Variants in SLC2A9 observed in about 807,000 individuals in gnomAD.
SLC2A9 encodes solute carrier family 2, facilitated glucose transporter member 9.
In SLC2A9, 39 loss-of-function variants were observed where a neutral mutation model predicts 50.6. That is an observed-to-expected ratio of 0.77 (90% CI 0.60 to 1.01). The LOEUF is 1.01. Among genes scored for constraint, SLC2A9 ranks in the 50% least tolerant of loss-of-function variants. The pLI is 0.00. For missense variants in SLC2A9, 686 were observed against 677.6 expected, an observed-to-expected ratio of 1.01 and a Z score of -0.14; for synonymous variants, 324 against 276.9, an observed-to-expected ratio of 1.17 and a Z score of -1.69.
At chr4:9,866,619 G>A (rs1248646161) in intron 10 of SLC2A9, among the ~76,000 whole-genome samples, 2 of 152,130 alleles carry the variant, frequency 1.3e-5, no homozygotes, top group African/African-American at 4.8e-5. Flanking sequence ...TGAGACCTGG[G>A]ATCCCAGGCA....
intron 10 of SLC2A9, among the ~76,000 whole-genome samples, chr4:9,885,179 A>T (rs1448178668): frequency 6.6e-6 from 1 of 152,192 alleles, no homozygotes; most frequent in African/African-American, 2.4e-5. Flanking sequence ...AACTTAAAAT[A>T]AAAAAGCAAC....
chr4:9,901,217 C>T (rs1233634927), intron 8 of SLC2A9, among the ~76,000 whole-genome samples: 1 of 151,918 alleles, frequency 6.6e-6, no homozygotes, highest in African/African-American at 2.4e-5. Context: ...CCTCATTTCT[C>T]CTAAGGTCCT....
intron 10 of SLC2A9, chr4:9,880,176 T>A: frequency 1.0e-6 from 1 of 985,478 alleles, no homozygotes; most frequent in Non-Finnish European, 1.2e-6. Context: ...ATGGTCTAAG[T>A]GGCAGCTTTT....
intron 10 of SLC2A9, among the ~76,000 whole-genome samples, chr4:9,855,404 A>C (rs559063962): frequency 2.0e-5 from 3 of 152,196 alleles, no homozygotes; most frequent in Non-Finnish European, 2.9e-5. Flanking sequence ...GAATAGAGCT[A>C]ACCAGGGAGG....
At chr4:9,789,557 A>C (rs550280218) in intron 3 of SLC2A9, among the ~76,000 whole-genome samples, 1 of 152,358 alleles carries the variant, frequency 6.6e-6, no homozygotes, top group East Asian at 1.9e-4. Context: ...GAAATAGGAC[A>C]AGATGTCAAG....
chr4:9,966,605 G>A (rs1232519003), intron 5 of SLC2A9, among the ~76,000 whole-genome samples: 2 of 112,442 alleles, frequency 1.8e-5, no homozygotes, highest in East Asian at 2.0e-4. Flanking sequence ...GAGAGCCAAG[G>A]TCGAGCCCTG....
chr4:9,779,249 G>A (rs1717988889), downstream of SLC2A9, among the ~76,000 whole-genome samples: 1 of 152,016 alleles, frequency 6.6e-6, no homozygotes, highest in Admixed American at 6.6e-5. Context: ...TCAACCCAAA[G>A]AGAAATTTCC....
At chr4:9,966,588 G>A (rs560069937) in intron 5 of SLC2A9, among the ~76,000 whole-genome samples, 34 of 134,422 alleles carry the variant, frequency 2.5e-4, no homozygotes, top group Non-Finnish European at 3.6e-4. Context: ...CCTGGGAGGC[G>A]GGGGTTGAGA....
chr4:9,992,879 A>G (rs1757956371), intron 3 of SLC2A9, among the ~76,000 whole-genome samples: 1 of 152,232 alleles, frequency 6.6e-6, no homozygotes, highest in African/African-American at 2.4e-5. Context: ...TTCCACCCTC[A>G]TAGCTGCTCC....
At chr4:10,004,220 C>G (rs551196014) in intron 2 of SLC2A9, among the ~76,000 whole-genome samples, 22 of 152,304 alleles carry the variant, frequency 1.4e-4, no homozygotes, top group African/African-American at 5.3e-4. Context: ...TTGTAGCCAT[C>G]CTGAGAAGTT....
chr4:10,019,276 G>A, intron 1 of SLC2A9: 1 of 591,726 alleles, frequency 1.7e-6, no homozygotes, highest in Non-Finnish European at 3.0e-6. Context: ...CAGGCCGGGC[G>A]CCCTCAGGTT....
rs180902355 is a variant in SLC2A9, at chr4:9,860,592, G to A, written c.1292-25584C>T. 7.9e-5 allele frequency among the ~76,000 whole-genome samples: 12 copies of A among 152,330 alleles called. No homozygotes were observed. The East Asian group carries it at 1.4e-3, about 17-fold the overall frequency. ...CTTGGCTTCAAGACTCATTCATTTCGTCCCTTTAGGAGTGACGTTGTCCCT... is the reference window on the plus strand; with the variant it reads ...CTTGGCTTCAAGACTCATTCATTTCATCCCTTTAGGAGTGACGTTGTCCCT... On this transcript the variant is annotated intron_variant, in intron 10 of 11. Transcript: ENST00000264784.
chr4:9,801,520 T>A (rs1267176884), intron 3 of SLC2A9, among the ~76,000 whole-genome samples: 1 of 152,242 alleles, frequency 6.6e-6, no homozygotes, highest in East Asian at 1.9e-4. Context: ...ACTGTAGCTC[T>A]GAAGCATAAG....
chr4:9,914,818 A>G (rs1560295275), intron 7 of SLC2A9, among the ~76,000 whole-genome samples: 1 of 152,206 alleles, frequency 6.6e-6, no homozygotes, highest in Non-Finnish European at 1.5e-5. Flanking sequence ...CAGCCGGTCC[A>G]TGCTCAGTAA....
At chr4:9,855,965 T>C (rs1447028170) in intron 10 of SLC2A9, among the ~76,000 whole-genome samples, 2 of 152,040 alleles carry the variant, frequency 1.3e-5, no homozygotes. Flanking sequence ...ATCAACTCAA[T>C]ATGGATCAAA....
chr4:9,857,543 G>T (rs542565981), intron 10 of SLC2A9, among the ~76,000 whole-genome samples: 18 of 152,332 alleles, frequency 1.2e-4, no homozygotes, highest in African/African-American at 4.3e-4. Flanking sequence ...AGAGGCTTTT[G>T]TTGGCTTTTC....
chr4:9,786,213 C>T (rs113963283), intron 3 of SLC2A9, among the ~76,000 whole-genome samples: 3 of 152,232 alleles, frequency 2.0e-5, no homozygotes, highest in Admixed American at 2.0e-4. Context: ...TTGACTCTCG[C>T]TGCCCTGTGA....
chr4:9,826,491 A>G lies in SLC2A9; in HGVS notation c.1529T>C (p.Ile510Thr), dbSNP rs1725152536. 1 of 1,613,898 alleles carries G rather than the reference A, an allele frequency of 6.2e-7. No homozygotes were observed. The highest frequency in any genetic ancestry group is 8.5e-7 in the Non-Finnish European group (1 of 1,179,966). ...PETKNRTYAE[I>T]SQAFSKRNKA... ...GTTCCTTTTGGAAAATGCCTGGCTGATTTCTGCATAGGTTCTGTTTTTGGT... is the reference window on the plus strand; with the variant it reads ...GTTCCTTTTGGAAAATGCCTGGCTGGTTTCTGCATAGGTTCTGTTTTTGGT... The change falls in exon 12 of 12, where the codon ATC becomes ACC. Residue 510 changes from isoleucine to threonine, a missense_variant. Ile to Thr is a moderately conservative substitution (Grantham distance 89). Transcript: ENST00000264784.
chr4:9,874,818 T>A (rs547124775), intron 10 of SLC2A9, among the ~76,000 whole-genome samples: 13 of 152,326 alleles, frequency 8.5e-5, no homozygotes, highest in Admixed American at 5.9e-4. Flanking sequence ...TGTGGGACGC[T>A]GTGTCTTTAG....
Sources: gnomAD v4.1 joint callset for allele counts (sites outside exome capture counted in the v4.1 genomes callset) on GRCh38, gnomAD v4.1.1 for gene constraint, MANE v1.5 for transcripts, NCBI Gene and HGNC (gene_info 2026-07-23, HGNC 2026-07-21) for gene names.